The following AHI1 variants were observed in gnomAD, a reference collection of about 807,000 sequenced individuals.
The protein encoded by AHI1 is jouberin.
AHI1 carries 123 observed loss-of-function variants against 149.3 expected under a neutral mutation model. The observed-to-expected ratio is 0.82, with a 90% CI of 0.71 to 0.96. AHI1 has a LOEUF of 0.96. AHI1 is among the 40% of genes least tolerant of loss of function. The pLI is 0.00. For missense variants in AHI1, 1,439 were observed against 1,422.7 expected, an observed-to-expected ratio of 1.01 and a Z score of -0.18; for synonymous variants, 475 against 459.8, an observed-to-expected ratio of 1.03 and a Z score of -0.42.
chr6:135,411,644 C>T, intron 20 of AHI1, 100 bp from the exon 21 acceptor site: 1 of 951,848 alleles, frequency 1.1e-6, no homozygotes, highest in Non-Finnish European at 1.4e-6. Context: ...CTGCATAACA[C>T]ATCTTAAAAA....
intron 7 of AHI1, among the ~76,000 whole-genome samples, chr6:135,463,846 G>A (rs1227791462): frequency 1.3e-5 from 2 of 151,896 alleles, no homozygotes; most frequent in African/African-American, 2.4e-5. Context: ...CAACCTCCCA[G>A]GCTCCAGCAA....
intron 24 of AHI1, among the ~76,000 whole-genome samples, chr6:135,343,440 A>T (rs1026458472): frequency 6.6e-6 from 1 of 151,874 alleles, no homozygotes; most frequent in African/African-American, 2.4e-5. Context: ...TAACCAAAAC[A>T]ATCTCGAAAA....
intron 24 of AHI1, among the ~76,000 whole-genome samples, chr6:135,354,583 T>C (rs902296021): frequency 6.6e-5 from 10 of 152,118 alleles, no homozygotes; most frequent in Admixed American, 3.9e-4. Context: ...GACTCAAACT[T>C]GTGCTGACTT....
intron 27 of AHI1, among the ~76,000 whole-genome samples, chr6:135,293,848 C>T (rs1782716111): frequency 6.6e-6 from 1 of 152,120 alleles, no homozygotes; most frequent in Non-Finnish European, 1.5e-5. Context: ...TTGGAATATG[C>T]TATAGAAATT....
chr6:135,309,027 G>A (rs1360329760), intron 26 of AHI1, among the ~76,000 whole-genome samples: 25 of 152,224 alleles, frequency 1.6e-4, no homozygotes, highest in Admixed American at 1.6e-3. Context: ...AGACACAGTA[G>A]GGGCTGAGGT....
intron 24 of AHI1, among the ~76,000 whole-genome samples, chr6:135,328,926 A>G (rs112382971): frequency 3.9e-5 from 6 of 152,296 alleles, no homozygotes; most frequent in African/African-American, 9.6e-5. Flanking sequence ...TGGTCTGGAT[A>G]GAAGATCAAA....
chr6:135,400,130 C>T (rs1419164328), intron 22 of AHI1, among the ~76,000 whole-genome samples: 1 of 151,874 alleles, frequency 6.6e-6, no homozygotes, highest in Non-Finnish European at 1.5e-5. Flanking sequence ...TGCAGTTATC[C>T]AGTTTTGGAA....
intron 13 of AHI1, among the ~76,000 whole-genome samples, chr6:135,445,017 A>T (rs1348532516): frequency 1.3e-5 from 2 of 152,224 alleles, no homozygotes; most frequent in African/African-American, 4.8e-5. Flanking sequence ...GCATATCTGA[A>T]AATAAACAAC....
At chr6:135,475,452 C>A (rs1014764291) in intron 5 of AHI1, among the ~76,000 whole-genome samples, 1 of 152,170 alleles carries the variant, frequency 6.6e-6, no homozygotes, top group African/African-American at 2.4e-5. Flanking sequence ...AAGCCTTGGG[C>A]CACACTGTAA....
At chr6:135,332,829 C>T (rs2128400140) in intron 24 of AHI1, among the ~76,000 whole-genome samples, 1 of 152,328 alleles carries the variant, frequency 6.6e-6, no homozygotes, top group South Asian at 2.1e-4. Context: ...TTCTTTGTTT[C>T]TCCCCCCGTT....
chr6:135,377,281 A>T (rs1365723114), intron 23 of AHI1, among the ~76,000 whole-genome samples: 1 of 152,148 alleles, frequency 6.6e-6, no homozygotes, highest in Non-Finnish European at 1.5e-5. Flanking sequence ...GTTAAAAAAA[A>T]TTTCAAAATA....
intron 27 of AHI1, among the ~76,000 whole-genome samples, chr6:135,296,030 T>C (rs947904725): frequency 6.6e-6 from 1 of 152,088 alleles, no homozygotes; most frequent in African/African-American, 2.4e-5. Flanking sequence ...TTTTTTTGTA[T>C]TTTTAGTAGA....
chr6:135,495,938 A>T (rs1406144311), intron 2 of AHI1, 40 bp from the exon 3 acceptor site: 2 of 152,250 alleles, frequency 1.3e-5, no homozygotes, highest in East Asian at 3.8e-4. Flanking sequence ...CAAAGTAATC[A>T]GTACATTGCA....
At position 135,455,772 on chromosome 6, in the gene AHI1, C is replaced by T. The variant is rs760470566; in HGVS notation, c.1306G>A (p.Gly436Ser). Residue 436 changes from glycine (G) to serine (S), a missense_variant, in exon 10 of 29, where the codon GGC (glycine) becomes AGC (serine). Physicochemically the swap from Gly to Ser is moderately conservative, Grantham distance 56. Coordinates refer to ENST00000265602, the MANE Select transcript of AHI1 (RefSeq NM_001134831.2). The stretch of plus-strand genomic sequence containing the variant: ...ATGACTTTAGGACTCTCATCAGAGC[C>T]TCGAAGCAAATAGGGAAAATTTTCA... Reference protein sequence around the residue: ...FNENFPYLLRGSDESPKVILF... With the variant: ...FNENFPYLLRSSDESPKVILF... The T allele has an allele frequency of 5.0e-6, 8 of 1,603,762 alleles. No homozygotes were observed. The highest frequency in any genetic ancestry group is 6.0e-6 in the Non-Finnish European group (7 of 1,174,222).
intron 23 of AHI1, among the ~76,000 whole-genome samples, chr6:135,367,942 C>T (rs1774430428): frequency 6.6e-6 from 1 of 152,030 alleles, no homozygotes; most frequent in South Asian, 2.1e-4. Context: ...GTCATATTAC[C>T]AGAATTGTTT....
chr6:135,409,289 A>G (rs1781247815), intron 21 of AHI1, among the ~76,000 whole-genome samples: 1 of 152,172 alleles, frequency 6.6e-6, no homozygotes, highest in Non-Finnish European at 1.5e-5. Context: ...TTTTAAACAG[A>G]GAAATTTAAA....
At chr6:135,324,826 C>G (rs1411451683) in intron 24 of AHI1, among the ~76,000 whole-genome samples, 7 of 151,812 alleles carry the variant, frequency 4.6e-5, no homozygotes, top group Admixed American at 1.3e-4. Context: ...GTTTCTGATA[C>G]CTTTTAATCC....
intron 23 of AHI1, among the ~76,000 whole-genome samples, chr6:135,372,822 A>AC (rs1200957409): frequency 6.6e-6 from 1 of 152,250 alleles, no homozygotes; most frequent in Admixed American, 6.5e-5. Context: ...ACCTGGACTG[A>AC]CACCCACACC....
chr6:135,345,195 A>T (rs1329720441), intron 24 of AHI1, among the ~76,000 whole-genome samples: 1 of 152,206 alleles, frequency 6.6e-6, no homozygotes, highest in Non-Finnish European at 1.5e-5. Flanking sequence ...CGATGTGGGG[A>T]CACTGCAACA....
Sources: allele counts gnomAD v4.1 joint callset (sites outside exome capture counted in the v4.1 genomes callset), GRCh38; gene constraint gnomAD v4.1.1; transcripts MANE v1.5; gene names NCBI Gene and HGNC (gene_info 2026-07-23, HGNC 2026-07-21).